CACNB2: variants seen among roughly 807,000 people sequenced by gnomAD.
CACNB2 encodes the protein voltage-dependent L-type calcium channel subunit beta-2.
A neutral mutation model predicts 73.3 loss-of-function variants in CACNB2; 42 were observed. The ratio of observed to expected loss-of-function variants is 0.57; its 90% confidence interval spans 0.45 to 0.74. The LOEUF (loss-of-function observed/expected upper bound fraction) is 0.74. Among genes scored for constraint, CACNB2 ranks in the 30% least tolerant of loss-of-function variants. The probability of loss-of-function intolerance (pLI) is 0.00; values close to 1 mark genes in which losing one functional copy is unlikely to be tolerated. For synonymous variants in CACNB2, 348 were observed against 310.3 expected, an observed-to-expected ratio of 1.12 and a Z score of -1.28; for missense variants, 940 against 853.0, an observed-to-expected ratio of 1.10 and a Z score of -1.27.
intron 2 of CACNB2, among the ~76,000 whole-genome samples, chr10:18,293,504 A>G (rs567784527): frequency 2.6e-5 from 4 of 152,352 alleles, no homozygotes; most frequent in African/African-American, 9.6e-5. Flanking sequence ...TGCCTGCCTA[A>G]TGGCATGTTT....
chr10:18,436,439 A>G (rs571244796), intron 3 of CACNB2, among the ~76,000 whole-genome samples: 1 of 152,364 alleles, frequency 6.6e-6, no homozygotes, highest in South Asian at 2.1e-4. Context: ...GAACAATGCT[A>G]CTTCTTTTCT....
intron 2 of CACNB2, among the ~76,000 whole-genome samples, chr10:18,383,904 C>G (rs2043119687): frequency 6.6e-6 from 1 of 151,980 alleles, no homozygotes; most frequent in Non-Finnish European, 1.5e-5. Flanking sequence ...TGGGATTTCA[C>G]TATGTTGGTC....
Position 18,534,222 on chromosome 10 carries a change from C to A in CACNB2, c.1201C>A (p.Pro401Thr). The A allele has an allele frequency of 1.9e-6, 3 of 1,612,488 alleles. No individual in the cohort carries two copies. Among genetic ancestry groups the A allele is most frequent in the Non-Finnish European group, 2.5e-6 (3 of 1,178,588 alleles). ...PIIVYVKISS[P>T]KVLQRLIKSR... ...TATAGTATATGTAAAGATTTCTTCT[C>A]CTAAGGTAAGTAGGACTGCTACTGT... The change falls in exon 11 of 14, where the codon CCT becomes ACT. Residue 401 changes from proline (P) to threonine (T), a missense_variant. Transcript: ENST00000324631.
chr10:18,146,771 C>T (rs535209277), intron 1 of CACNB2, among the ~76,000 whole-genome samples: 9 of 152,144 alleles, frequency 5.9e-5, no homozygotes, highest in Non-Finnish European at 8.8e-5. Flanking sequence ...CAGGTGTGAG[C>T]CACTGTGCCC....
intron 3 of CACNB2, among the ~76,000 whole-genome samples, chr10:18,433,508 A>T (rs2045988510): frequency 6.6e-6 from 1 of 152,202 alleles, no homozygotes; most frequent in Non-Finnish European, 1.5e-5. Flanking sequence ...TGCAACTCAG[A>T]AGCTTTGTAT....
In CACNB2 at chr10:18,538,296, C is replaced by T. The variant is rs372177929; in HGVS notation, c.1419C>T (p.Asn473=). The change falls in exon 13 of 14, where the codon AAC becomes AAT. Residue 473 remains asparagine, a synonymous_variant. Transcript: ENST00000324631. ...ATHPPSSSLP[N]PLLSRTLATS... is the part of the protein sequence containing the mutation. Reference sequence around the variant, plus strand: ...ATCCTCCCAGCAGTAGCCTCCCCAACCCTCTCCTTAGCCGTACATTAGCCA... The same window carrying T: ...ATCCTCCCAGCAGTAGCCTCCCCAATCCTCTCCTTAGCCGTACATTAGCCA... 7 of 1,614,066 alleles carry T rather than the reference C, an allele frequency of 4.3e-6. No individual in the cohort carries two copies. The highest frequency in any genetic ancestry group is 5.9e-6 in the Non-Finnish European group (7 of 1,180,020).
At chr10:18,450,018 C>G (rs2046940095) in intron 3 of CACNB2, among the ~76,000 whole-genome samples, 1 of 152,240 alleles carries the variant, frequency 6.6e-6, no homozygotes, top group African/African-American at 2.4e-5. Context: ...AGCACTTCAT[C>G]AGGCTCAATG....
At chr10:18,500,666 C>A in intron 4 of CACNB2, 146 bp from the exon 5 acceptor site, 1 of 821,164 alleles carries the variant, frequency 1.2e-6, no homozygotes, top group Non-Finnish European at 2.0e-6. Context: ...CATGTGAAAC[C>A]CATGAGCCGA....
intron 5 of CACNB2, among the ~76,000 whole-genome samples, chr10:18,503,456 T>C (rs7090293): frequency 0.61 from 92,992 of 151,910 alleles, 29,586 homozygotes; most frequent in East Asian, 0.97. Flanking sequence ...ACTAGCTGGG[T>C]GTGGTGGTGC....
chr10:18,487,395 A>T (rs2049120205), intron 3 of CACNB2, among the ~76,000 whole-genome samples: 1 of 152,216 alleles, frequency 6.6e-6, no homozygotes, highest in Non-Finnish European at 1.5e-5. Context: ...TTTCATTAGA[A>T]GGAAGCCTTA....
chr10:18,536,238 C>T lies in CACNB2; in HGVS notation c.1302+42C>T, dbSNP rs548154778. The T allele has an allele frequency of 2.0e-4, 66 of 330,708 alleles. 3 individuals are homozygous for T. The highest frequency in any genetic ancestry group is 1.9e-3 in the South Asian group (66 of 34,018). 20.5% of individuals were successfully genotyped at this position (330,708 alleles called of 1,614,324 possible). The stretch of plus-strand genomic sequence containing the variant: ...TACAGCATAATCCAGTTACAGAGAT[C>T]AGACCTTTTTTTTTTTTTTTTTTTT... On this transcript the variant is annotated intron_variant, in intron 12 of 13. Coordinates refer to ENST00000324631, the MANE Select transcript of CACNB2 (RefSeq NM_201596.3).
chr10:18,239,986 C>T (rs2036586351), intron 2 of CACNB2, among the ~76,000 whole-genome samples: 1 of 152,154 alleles, frequency 6.6e-6, no homozygotes, highest in Admixed American at 6.5e-5. Context: ...AGATAGCTGC[C>T]TCTCTGCCTT....
chr10:18,533,509 C>A (rs2053267019), intron 10 of CACNB2, among the ~76,000 whole-genome samples: 1 of 152,092 alleles, frequency 6.6e-6, no homozygotes, highest in Non-Finnish European at 1.5e-5. Context: ...CTGAAAACTG[C>A]CCTTTTAAAA....
intron 2 of CACNB2, among the ~76,000 whole-genome samples, chr10:18,390,701 G>C (rs1490951993): frequency 6.6e-6 from 1 of 152,116 alleles, no homozygotes; most frequent in African/African-American, 2.4e-5. Context: ...CATATTTTCT[G>C]CTGTAAATTT....
chr10:18,197,968 C>T lies in CACNB2; in HGVS notation c.213+46993C>T, dbSNP rs565757939. 2.2e-4 allele frequency among the ~76,000 whole-genome samples: 33 copies of T among 146,918 alleles called. 1 individual carries two copies. The East Asian group carries it at 3.9e-3, about 17-fold the overall frequency. Reference sequence around the variant, plus strand: ...AATTAATTGTATTATAATCAATATACTTAATTATAATTAACATTATATATT... The same window carrying T: ...AATTAATTGTATTATAATCAATATATTTAATTATAATTAACATTATATATT... On this transcript the variant is annotated intron_variant, in intron 2 of 13. Coordinates refer to ENST00000324631, the MANE Select transcript of CACNB2 (RefSeq NM_201596.3).
intron 2 of CACNB2, among the ~76,000 whole-genome samples, chr10:18,279,694 C>T (rs1220006120): frequency 6.6e-6 from 1 of 152,194 alleles, no homozygotes; most frequent in East Asian, 1.9e-4. Flanking sequence ...TTTTAGGCAA[C>T]CTGTTAGAAA....
intron 2 of CACNB2, among the ~76,000 whole-genome samples, chr10:18,371,363 C>T (rs118042763): frequency 0.24 from 36,130 of 151,928 alleles, 4,473 homozygotes; most frequent in Non-Finnish European, 0.25. Flanking sequence ...CCCCTTTCCC[C>T]GACCCCACAA....
intron 1 of CACNB2, chr10:18,141,109 C>A (rs985768237): frequency 1.1e-5 from 17 of 1,549,428 alleles, no homozygotes; most frequent in Non-Finnish European, 1.4e-5. Context: ...CCTGCCAGTC[C>A]TCCCAGACTT....
intron 2 of CACNB2, among the ~76,000 whole-genome samples, chr10:18,178,331 C>G (rs1239382378): frequency 6.6e-6 from 1 of 152,188 alleles, no homozygotes; most frequent in East Asian, 1.9e-4. Context: ...TTAGCATTAA[C>G]TCTACCTATT....
Sources: allele counts gnomAD v4.1 joint callset (sites outside exome capture counted in the v4.1 genomes callset), GRCh38; gene constraint gnomAD v4.1.1; transcripts MANE v1.5; gene names NCBI Gene and HGNC (gene_info 2026-07-23, HGNC 2026-07-21).